The following THBS4 variants were observed in gnomAD, a reference collection of about 807,000 sequenced individuals.
THBS4 encodes the protein thrombospondin 4.
THBS4 carries 90 observed loss-of-function variants against 115.7 expected under a neutral mutation model. That is an observed-to-expected ratio of 0.78 (90% CI 0.66 to 0.93). The LOEUF (loss-of-function observed/expected upper bound fraction) is 0.93. THBS4 is among the 40% of genes least tolerant of loss of function. The pLI is 0.00. For missense variants in THBS4, 1,087 were observed against 1,232.7 expected, an observed-to-expected ratio of 0.88 and a Z score of 1.77; for synonymous variants, 460 against 479.3, an observed-to-expected ratio of 0.96 and a Z score of 0.53.
At position 80,001,263 on chromosome 5, in the gene THBS4, G is replaced by A. The variant is rs55840047; in HGVS notation, n.177+2836G>A. ...TTGCACGTACTACATATTTGTTGCC[G>A]TGTTTTAGAAATATTTTAGAAGTTT... On this transcript the variant is annotated intron_variant and non_coding_transcript_variant, in intron 2 of 3. Transcript: ENST00000510218. 3.3e-5 allele frequency among the ~76,000 whole-genome samples: 4 copies of A among 122,620 alleles called. No individual in the cohort carries two copies. The East Asian group carries it at 9.2e-4, about 28-fold the overall frequency. The allele number at this position is 122,620 out of a possible 152,430, so 80.4% of individuals were successfully genotyped here.
In THBS4 at chr5:80,015,912, G is replaced by T. The variant is rs557842866; in HGVS notation, n.177+17485G>T. 2.0e-5 allele frequency among the ~76,000 whole-genome samples: 3 copies of T among 152,212 alleles called. No homozygotes were observed. The South Asian group carries it at 6.2e-4, about 32-fold the overall frequency. On this transcript the variant is annotated intron_variant and non_coding_transcript_variant, in intron 2 of 3. Coordinates refer to the THBS4 transcript ENST00000510218. Reference sequence around the variant, plus strand: ...TGGCAAGTACATTCTTAGACAAACTGCACGGAAGCCAATTTAACAGAAAGT... The same window carrying T: ...TGGCAAGTACATTCTTAGACAAACTTCACGGAAGCCAATTTAACAGAAAGT...
chr5:80,014,817 A>C (rs1284542358), intron 2 of THBS4, among the ~76,000 whole-genome samples: 1 of 152,260 alleles, frequency 6.6e-6, no homozygotes, highest in Non-Finnish European at 1.5e-5. Context: ...TCAATGAGAA[A>C]GTGGAAAGAG....
intron 1 of THBS4, among the ~76,000 whole-genome samples, chr5:79,997,830 T>C (rs559841539): frequency 6.6e-6 from 1 of 152,138 alleles, no homozygotes; most frequent in South Asian, 2.1e-4. Flanking sequence ...AAACTAGAAG[T>C]CAATAACAGA....
intron 2 of THBS4, among the ~76,000 whole-genome samples, chr5:80,025,888 T>A (rs1477329463): frequency 1.3e-5 from 2 of 152,200 alleles, no homozygotes; most frequent in African/African-American, 4.8e-5. Flanking sequence ...TTAAATGTGG[T>A]AGCCAAAATA....
At chr5:80,005,178 A>C (rs1023859676) in intron 2 of THBS4, among the ~76,000 whole-genome samples, 2 of 152,210 alleles carry the variant, frequency 1.3e-5, no homozygotes, top group African/African-American at 4.8e-5. Flanking sequence ...TATTGTTCTT[A>C]GCTCCTTTTG....
chr5:80,063,782 G>C (rs191184383), intron 8 of THBS4, among the ~76,000 whole-genome samples: 188 of 152,332 alleles, frequency 1.2e-3, no homozygotes, highest in African/African-American at 4.4e-3. Context: ...TAACAAGGCA[G>C]ACAGAACTGA....
chr5:79,996,224 G>C (rs1831791617), intron 1 of THBS4, among the ~76,000 whole-genome samples: 2 of 152,106 alleles, frequency 1.3e-5, no homozygotes, highest in Non-Finnish European at 2.9e-5. Context: ...CAGTCGTAAA[G>C]GTCAAATGTA....
intron 1 of THBS4, among the ~76,000 whole-genome samples, chr5:79,996,049 G>T (rs1831786659): frequency 6.6e-6 from 1 of 151,844 alleles, no homozygotes. Context: ...AGGCAAGACA[G>T]TCGCTTGAAC....
In THBS4 at chr5:80,051,346, G is replaced by A. The variant is rs79108799; in HGVS notation, c.293-4439G>A. On this transcript the variant is annotated intron_variant, in intron 2 of 21. Coordinates refer to ENST00000350881, the MANE Select transcript of THBS4 (RefSeq NM_003248.6). ...CTGCTCTGATAATAAAATAAGTGTA[G>A]AGGCACTGAAGTAAAGAATTTGCAA... is the stretch of plus-strand genomic sequence containing the variant. Among the ~76,000 whole-genome samples the A allele has an allele frequency of 8.0e-5, 12 of 150,924 alleles. No homozygotes were observed. The East Asian group carries it at 2.3e-3, about 29-fold the overall frequency.
intron 2 of THBS4, among the ~76,000 whole-genome samples, chr5:80,010,460 T>C (rs1455565870): frequency 6.6e-6 from 1 of 152,244 alleles, no homozygotes. Context: ...TCTATCTTGT[T>C]GCTTCCCACC....
Position 80,072,313 on chromosome 5 carries a change from C to T in THBS4, c.1756C>T (p.Pro586Ser). The change falls in exon 14 of 22, where the codon CCC becomes TCC. Residue 586 changes from proline (P) to serine (S), a missense_variant. By Grantham distance (74) the Pro-to-Ser change is moderately conservative (BLOSUM62 -1). Transcript: ENST00000350881. ...KNILDNCPKF[P>S]NRDQRDKDGD... ...CATTCTGGACAACTGCCCAAAATTT[C>T]CCAATCGTGACCAACGGGACAAGGA... 6.2e-7 allele frequency: 1 copy of T among 1,614,182 alleles called. No individual in the cohort carries two copies. Among genetic ancestry groups the T allele is most frequent in the Non-Finnish European group, 8.5e-7 (1 of 1,180,024 alleles).
At chr5:80,082,996 C>G in intron 21 of THBS4, 84 bp from the exon 22 acceptor site, 1 of 1,282,016 alleles carries the variant, frequency 7.8e-7, no homozygotes, top group South Asian at 1.2e-5. Context: ...GCGCCCCCTA[C>G]AGGACGCCTG....
At chr5:80,077,493 T>C (rs2112163219) in intron 16 of THBS4, among the ~76,000 whole-genome samples, 1 of 152,208 alleles carries the variant, frequency 6.6e-6, no homozygotes, top group East Asian at 1.9e-4. Flanking sequence ...GATAAGAAAA[T>C]GTCTGCACCA....
chr5:80,040,932 C>T (rs1832878798), intron 2 of THBS4, among the ~76,000 whole-genome samples: 1 of 151,848 alleles, frequency 6.6e-6, no homozygotes, highest in African/African-American at 2.4e-5. Flanking sequence ...TATAATAACC[C>T]ACTCTCTCAA....
chr5:80,023,818 G>C (rs1175067756), intron 2 of THBS4, among the ~76,000 whole-genome samples: 1 of 152,124 alleles, frequency 6.6e-6, no homozygotes, highest in Non-Finnish European at 1.5e-5. Flanking sequence ...ATCACATGGT[G>C]GGAGGGGAAG....
chr5:80,079,914 T>G lies in THBS4; in HGVS notation c.2521T>G (p.Ser841Ala), dbSNP rs1743402879. The G allele has an allele frequency of 2.5e-6, 4 of 1,613,910 alleles. No individual in the cohort carries two copies. Among genetic ancestry groups the G allele is most frequent in the African/African-American group, 1.3e-5 (1 of 74,862 alleles). The change falls in exon 20 of 22, where the codon TCT (serine) becomes GCT (alanine). Residue 841 changes from serine (S) to alanine (A), a missense_variant. Physicochemically the swap from Ser to Ala is moderately conservative, Grantham distance 99. Around this residue, in one of 3 missense-constraint regions of THBS4, gnomAD observed 979 missense variants for 1,103.7 expected, o/e 0.89. Coordinates refer to ENST00000350881, the MANE Select transcript of THBS4 (RefSeq NM_003248.6). ...EPGIQLKAVK[S>A]KTGPGEHLRN... ...TTGTGTCATCATGCAGGCTGTGAAG[T>G]CTAAGACAGGTCCAGGGGAGCATCT...
intron 1 of THBS4, among the ~76,000 whole-genome samples, chr5:80,039,296 T>C (rs1399699289): frequency 2.0e-5 from 3 of 152,256 alleles, no homozygotes; most frequent in Admixed American, 2.0e-4. Flanking sequence ...CCTTTGCCTT[T>C]TAAATGACTC....
At chr5:79,993,190 T>C (rs932740478) in intron 1 of THBS4, among the ~76,000 whole-genome samples, 1 of 152,248 alleles carries the variant, frequency 6.6e-6, no homozygotes, top group Admixed American at 6.5e-5. Flanking sequence ...ATTAAATCTC[T>C]TCCCTTAGTG....
At chr5:80,047,407 GT>G (rs1450032071) in intron 2 of THBS4, among the ~76,000 whole-genome samples, 1 of 151,788 alleles carries the variant, frequency 6.6e-6, no homozygotes, top group East Asian at 1.9e-4. Flanking sequence ...TTTGTTTTTT[GT>G]TTTCTGTTTT....
Sources: gnomAD v4.1 joint callset for allele counts (sites outside exome capture counted in the v4.1 genomes callset) on GRCh38, gnomAD v4.1.1 for gene constraint, gnomAD v4.1.1 regional missense constraint, MANE v1.5 for transcripts, NCBI Gene and HGNC (gene_info 2026-07-23, HGNC 2026-07-21) for gene names.